Variants in VTA1 observed in about 807,000 individuals in gnomAD.
VTA1 encodes vesicle trafficking 1.
VTA1 carries 24 observed loss-of-function variants against 36.9 expected under a neutral mutation model. The ratio of observed to expected loss-of-function variants is 0.65; its 90% CI spans 0.47 to 0.91. The LOEUF (loss-of-function observed/expected upper bound fraction) is 0.91, where lower values mean the gene tolerates loss of function less well. VTA1 is among the 40% of genes least tolerant of loss of function. The pLI is 0.00. For missense variants in VTA1, 393 were observed against 377.2 expected (o/e 1.04, Z -0.35); for synonymous variants, 142 against 130.2 (o/e 1.09, Z -0.62).
At chr6:142,154,089 T>C (rs1778617145) in intron 1 of VTA1, among the ~76,000 whole-genome samples, 1 of 152,084 alleles carries the variant, frequency 6.6e-6, no homozygotes. Flanking sequence ...CCCATTACCA[T>C]AGTCAAGATA....
At chr6:142,165,649 A>G (rs1158621041) in intron 1 of VTA1, among the ~76,000 whole-genome samples, 1 of 152,184 alleles carries the variant, frequency 6.6e-6, no homozygotes, top group Non-Finnish European at 1.5e-5. Flanking sequence ...TTACCACTAG[A>G]ACTGTTCACA....
intron 1 of VTA1, among the ~76,000 whole-genome samples, chr6:142,164,021 G>A (rs1346484059): frequency 6.6e-6 from 1 of 152,068 alleles, no homozygotes. Flanking sequence ...GGGACTCAAA[G>A]GCCTAGCTAG....
intron 4 of VTA1, among the ~76,000 whole-genome samples, chr6:142,175,066 T>C (rs1383432125): frequency 6.6e-6 from 1 of 152,190 alleles, no homozygotes; most frequent in East Asian, 1.9e-4. Context: ...ACCGAAGCCT[T>C]CTGTGTGATA....
intron 5 of VTA1, among the ~76,000 whole-genome samples, chr6:142,198,108 T>A (rs12661000): frequency 0.16 from 9,034 of 55,806 alleles, 476 homozygotes; most frequent in Non-Finnish European, 0.18. Context: ...AAAAAAAATA[T>A]ATATATATAT....
At chr6:142,195,595 C>CTTTTTTTTTTTTTTTTTTT (rs72442499) in intron 5 of VTA1, among the ~76,000 whole-genome samples, 1 of 70,708 alleles carries the variant, frequency 1.4e-5, no homozygotes. Flanking sequence ...GTTTAATTTG[C>CTTTTTTTTTTTTTTTTTTT]TTTTTTTTTT....
intron 5 of VTA1, among the ~76,000 whole-genome samples, chr6:142,190,794 C>T (rs1382191840): frequency 6.6e-6 from 1 of 152,138 alleles, no homozygotes; most frequent in Non-Finnish European, 1.5e-5. Context: ...GTCTTTGTTG[C>T]AGCTGTTTAG....
intron 1 of VTA1, among the ~76,000 whole-genome samples, chr6:142,147,874 G>A (rs773992205): frequency 2.6e-5 from 4 of 152,110 alleles, no homozygotes; most frequent in Non-Finnish European, 5.9e-5. Flanking sequence ...TGGTTAAATG[G>A]GGAGTATCTG....
intron 4 of VTA1, among the ~76,000 whole-genome samples, chr6:142,173,761 A>G (rs374638455): frequency 2.6e-5 from 4 of 152,304 alleles, no homozygotes; most frequent in South Asian, 4.1e-4. Context: ...AGAATAATCT[A>G]GGTTTACTTT....
rs1776079470 is a variant in VTA1, at chr6:142,220,110, A to AC, written c.*1468dup. The AC allele has an allele frequency of 6.6e-6, 1 of 152,206 alleles. No individual in the cohort carries two copies. The highest frequency in any genetic ancestry group is 1.5e-5 in the Non-Finnish European group (1 of 68,030). 9.4% of individuals were successfully genotyped at this position (152,206 alleles called of 1,614,324 possible). ...TAGAATAAATATTCAGACTGACTAA[A>AC]CTGTTCTAAATCCTCACAAAAAAGT... On this transcript the variant is annotated 3_prime_UTR_variant, in exon 8 of 8. Coordinates refer to ENST00000367630, the MANE Select transcript of VTA1 (RefSeq NM_016485.5).
intron 2 of VTA1, among the ~76,000 whole-genome samples, chr6:142,167,412 C>A (rs192097439): frequency 1.1e-4 from 16 of 152,266 alleles, no homozygotes; most frequent in African/African-American, 3.9e-4. Context: ...TTTTTATTTG[C>A]TTATTTAGAT....
At chr6:142,199,141 T>A (rs1775629017) in intron 6 of VTA1, among the ~76,000 whole-genome samples, 1 of 151,836 alleles carries the variant, frequency 6.6e-6, no homozygotes, top group Non-Finnish European at 1.5e-5. Context: ...GATTCGGATT[T>A]TTTTTTTTTA....
At chr6:142,171,209 C>G (rs749077320) in intron 4 of VTA1, among the ~76,000 whole-genome samples, 1 of 152,138 alleles carries the variant, frequency 6.6e-6, no homozygotes, top group Non-Finnish European at 1.5e-5. Flanking sequence ...ATTCTCCTGC[C>G]TCAGTCTCCC....
At chr6:142,173,990 G>C (rs1313196957) in intron 4 of VTA1, among the ~76,000 whole-genome samples, 2 of 152,132 alleles carry the variant, frequency 1.3e-5, no homozygotes, top group African/African-American at 2.4e-5. Flanking sequence ...CCTTGCACTG[G>C]TGCTAGAATA....
rs1297297188 is a variant in VTA1 at position 142,222,595 on chromosome 6, TAGC to T, written c.*3957_*3959del. The T allele has an allele frequency of 6.7e-5, 4 of 59,604 alleles. No homozygotes were observed. Among genetic ancestry groups the T allele is most frequent in the African/African-American group, 1.4e-4 (3 of 20,794 alleles). The allele number at this position is 59,604 out of a possible 1,614,324, so 3.7% of individuals were successfully genotyped here. A position where few individuals can be genotyped will look rare whatever the true frequency, so the allele number is the denominator to read the frequency against. On this transcript the variant is annotated 3_prime_UTR_variant, in exon 8 of 8. Coordinates refer to ENST00000367630, the MANE Select transcript of VTA1 (RefSeq NM_016485.5). ...TGTCTTTTCTAAAGAAACACCCTAA[TAGC>T]AGCATTGTACAAATATTTTCAACTC...
Position 142,164,600 on chromosome 6 carries a change from T to C in VTA1, c.113-1628T>C, listed in dbSNP as rs150033831. Reference sequence around the variant, plus strand: ...GTGTATATTAATTTTTAAAGAGAATTTTTGACATGTGACCATAATTGAATT... The same window carrying C: ...GTGTATATTAATTTTTAAAGAGAATCTTTGACATGTGACCATAATTGAATT... On this transcript the variant is annotated intron_variant, in intron 1 of 7. Transcript: ENST00000367630. Among the ~76,000 whole-genome samples, 101 of 152,244 alleles carry C rather than the reference T, an allele frequency of 6.6e-4. 2 individuals carry two copies. The East Asian group carries it at 0.018, about 28-fold the overall frequency.
intron 7 of VTA1, among the ~76,000 whole-genome samples, chr6:142,209,476 G>A (rs1222608911): frequency 6.8e-6 from 1 of 147,674 alleles, no homozygotes; most frequent in East Asian, 2.0e-4. Flanking sequence ...AAAATACCTG[G>A]GAATCGATCT....
In VTA1 at chr6:142,168,740, CATTATT is replaced by C. The variant is rs3079231; in HGVS notation, c.208-773_208-768del. Among the ~76,000 whole-genome samples the C allele has an allele frequency of 4.6e-3, 642 of 140,778 alleles. 5 individuals are homozygous for C. Among genetic ancestry groups the C allele is most frequent in the East Asian group, 0.044 (216 of 4,886 alleles). 92.4% of individuals were successfully genotyped at this position (140,778 alleles called of 152,430 possible). Reference sequence around the variant, plus strand: ...TCACACTATGTGCTCTGAGAGATATCATTATTATTATTATTATTATTATTATTATTA... The same window carrying C: ...TCACACTATGTGCTCTGAGAGATATCATTATTATTATTATTATTATTATTA... On this transcript the variant is annotated intron_variant, in intron 2 of 7. Transcript: ENST00000367630.
chr6:142,191,851 C>A lies in VTA1; in HGVS notation c.520+2317C>A, dbSNP rs573998662. On this transcript the variant is annotated intron_variant, in intron 5 of 7. Transcript: ENST00000367630. ...CTTCTTTAAGACTTTGATTTGTTTT[C>A]TTTTTTTGAGTGTAGAATTATATTC... is the stretch of plus-strand genomic sequence containing the variant. Among the ~76,000 whole-genome samples the A allele has an allele frequency of 1.4e-4, 22 of 151,866 alleles. No homozygotes were observed. The East Asian group carries it at 4.1e-3, about 28-fold the overall frequency.
At chr6:142,174,649 T>A (rs995820419) in intron 4 of VTA1, among the ~76,000 whole-genome samples, 3 of 152,122 alleles carry the variant, frequency 2.0e-5, no homozygotes, top group African/African-American at 7.2e-5. Context: ...ATTGTATAGT[T>A]TGGATGTTTG....
Sources: gnomAD v4.1 joint callset for allele counts (sites outside exome capture counted in the v4.1 genomes callset) on GRCh38, gnomAD v4.1.1 for gene constraint, MANE v1.5 for transcripts, NCBI Gene and HGNC (gene_info 2026-07-23, HGNC 2026-07-21) for gene names.